KIF15: variants seen among roughly 807,000 people sequenced by gnomAD.
KIF15 encodes the protein kinesin-like protein KIF15.
In KIF15, 140 loss-of-function variants were observed where a neutral mutation model predicts 190.6. The ratio of observed to expected loss-of-function variants is 0.73; its 90% CI spans 0.64 to 0.84. The LOEUF is 0.84. Among genes scored for constraint, KIF15 ranks in the 40% least tolerant of loss-of-function variants. The pLI, the probability that KIF15 is intolerant of heterozygous loss-of-function variation, is 0.00. For missense variants in KIF15, 1,372 were observed against 1,584.4 expected, an observed-to-expected ratio of 0.87 and a Z score of 2.28; for synonymous variants, 528 against 551.3, an observed-to-expected ratio of 0.96 and a Z score of 0.59.
chr3:44,772,199 C>A (rs1374963799), intron 1 of KIF15, among the ~76,000 whole-genome samples: 2 of 152,182 alleles, frequency 1.3e-5, no homozygotes, highest in Non-Finnish European at 2.9e-5. Context: ...CAATTAGCCT[C>A]TCAGTGGGGC....
In KIF15 at chr3:44,864,281, A is replaced by G; in HGVS notation, c.*60-9048A>G. 1 of 1,614,200 alleles carries G rather than the reference A, an allele frequency of 6.2e-7. No individual in the cohort carries two copies. Among genetic ancestry groups the G allele is most frequent in the Non-Finnish European group, 8.5e-7 (1 of 1,180,038 alleles). Reference sequence around the variant, plus strand: ...GTGGACCTTCTTTAGCCGGGGCCTCAGTTTCTCCATGTCTTCAGCCATTGC... The same window carrying G: ...GTGGACCTTCTTTAGCCGGGGCCTCGGTTTCTCCATGTCTTCAGCCATTGC... On this transcript the variant is annotated intron_variant and NMD_transcript_variant, in intron 6 of 6. Coordinates refer to the KIF15 transcript ENST00000422209.
At chr3:44,826,247 C>A in intron 21 of KIF15, 58 bp downstream of exon 21, 1 of 1,558,118 alleles carries the variant, frequency 6.4e-7, no homozygotes, top group Non-Finnish European at 8.7e-7. Flanking sequence ...GAGTGTAGGA[C>A]AAGGACTGTC....
At position 44,827,546 on chromosome 3, in the gene KIF15, C is replaced by CT; in HGVS notation, c.2856+19dup. 6.6e-7 allele frequency: 1 copy of CT among 1,513,752 alleles called. No individual in the cohort carries two copies. The highest frequency in any genetic ancestry group is 2.3e-5 in the East Asian group (1 of 44,256). The allele number at this position is 1,513,752 out of a possible 1,614,324, so 93.8% of individuals were successfully genotyped here. A position where few individuals can be genotyped will look rare whatever the true frequency, so the allele number is the denominator to read the frequency against. On this transcript the variant is annotated intron_variant, in intron 23 of 34. Transcript: ENST00000326047. ...AGCAGCAGGTAAAATTCCTGTTACT[C>CT]TAACTCTAGTATTTGAAGTTTATAA...
chr3:44,801,858 G>A lies in KIF15; in HGVS notation c.1393G>A (p.Asp465Asn). Residue 465 changes from aspartate to asparagine, a missense_variant, in exon 13 of 35, where the codon GAT becomes AAT. Coordinates refer to ENST00000326047, the MANE Select transcript of KIF15 (RefSeq NM_020242.3). The stretch of plus-strand genomic sequence containing the variant: ...TAAAATGATTGTGAAATTCCGAGAG[G>A]ATCAAATAATACGCTTGGAAAAGCT... ...SNKMIVKFRE[D>N]QIIRLEKLHK... 5 of 1,612,452 alleles carry A rather than the reference G, an allele frequency of 3.1e-6. No individual in the cohort carries two copies. The highest frequency in any genetic ancestry group is 4.2e-6 in the Non-Finnish European group (5 of 1,178,650).
intron 8 of KIF15, among the ~76,000 whole-genome samples, chr3:44,795,785 G>C (rs1706946253): frequency 6.6e-6 from 1 of 152,066 alleles, no homozygotes; most frequent in African/African-American, 2.4e-5. Flanking sequence ...AAGGATGAGG[G>C]AAGAGATCTA....
Position 44,805,848 on chromosome 3 carries a change from A to C in KIF15, c.1833A>C (p.Lys611Asn). The C allele has an allele frequency of 6.2e-7, 1 of 1,612,562 alleles. No homozygotes were observed. Among genetic ancestry groups the C allele is most frequent in the South Asian group, 1.1e-5 (1 of 90,672 alleles). Residue 611 changes from lysine (K) to asparagine (N), a missense_variant, in exon 16 of 35, where the codon AAA becomes AAC. Lys to Asn is a moderately conservative substitution (Grantham distance 94). Transcript: ENST00000326047. ...EYEEFKELTR[K>N]RQLELESELQ... ...TCCGTTTTACAATATCTATTAGGAAAAGGCAGCTAGAATTGGAATCAGAGC... is the reference window on the plus strand; with the variant it reads ...TCCGTTTTACAATATCTATTAGGAACAGGCAGCTAGAATTGGAATCAGAGC...
chr3:44,790,182 CA>C (rs1219697160), intron 7 of KIF15, among the ~76,000 whole-genome samples: 4 of 151,812 alleles, frequency 2.6e-5, no homozygotes, highest in Admixed American at 6.6e-5. Context: ...TACTTTATGA[CA>C]TTTTTTTTTT....
At chr3:44,848,082 T>A (rs746226009) in intron 31 of KIF15, 25 bp downstream of exon 31, 1 of 1,388,054 alleles carries the variant, frequency 7.2e-7, no homozygotes, top group South Asian at 1.2e-5. Flanking sequence ...TATGTAATAG[T>A]TTCTTCTTGT....
At chr3:44,829,949 A>G in intron 24 of KIF15, 22 bp from the exon 25 acceptor site, 4 of 1,441,788 alleles carry the variant, frequency 2.8e-6, no homozygotes, top group Non-Finnish European at 3.7e-6. Context: ...GGGTATGAAG[A>G]TATTATTTCT....
Position 44,784,869 on chromosome 3 carries a change from C to G in KIF15, c.386C>G (p.Ser129Cys), listed in dbSNP as rs747522350. ...MMGPSESDNF[S>C]HNLRGVIPRS... ...GGACCATCTGAATCTGATAATTTTTCTCATAACCTGAGAGGAGTAATCCCA... is the reference window on the plus strand; with the variant it reads ...GGACCATCTGAATCTGATAATTTTTGTCATAACCTGAGAGGAGTAATCCCA... Residue 129 changes from serine (S) to cysteine (C), a missense_variant, in exon 6 of 35, where the codon TCT (serine) becomes TGT (cysteine). By Grantham distance (112) the Ser-to-Cys change is moderately radical. Transcript: ENST00000326047. 7.2e-6 allele frequency: 11 copies of G among 1,527,236 alleles called. No homozygotes were observed. The highest frequency in any genetic ancestry group is 1.7e-4 in the Middle Eastern group (1 of 5,762). The allele number at this position is 1,527,236 out of a possible 1,614,324, so 94.6% of individuals were successfully genotyped here. A position where few individuals can be genotyped will look rare whatever the true frequency, so the allele number is the denominator to read the frequency against.
chr3:44,838,479 C>T (rs1215744988), intron 27 of KIF15, 58 bp downstream of exon 27: 4 of 1,546,108 alleles, frequency 2.6e-6, no homozygotes, highest in Non-Finnish European at 2.6e-6. Flanking sequence ...TGTAGTGGCT[C>T]ACTCCTGTAA....
At chr3:44,787,720 C>G (rs1311559093) in intron 7 of KIF15, among the ~76,000 whole-genome samples, 4 of 152,122 alleles carry the variant, frequency 2.6e-5, no homozygotes, top group Admixed American at 2.6e-4. Context: ...CTTTTTAGAT[C>G]TTTAATGTCT....
At position 44,828,239 on chromosome 3, in the gene KIF15, A is replaced by G. The variant is rs199969344; in HGVS notation, c.2882A>G (p.Glu961Gly). The G allele has an allele frequency of 6.3e-4, 1,023 of 1,613,490 alleles. No individual in the cohort carries two copies. Among genetic ancestry groups the G allele is most frequent in the Non-Finnish European group, 7.7e-4 (907 of 1,179,540 alleles). ...ATGGCAAAAGTACAGAAACTAGAAG[A>G]GAGCTTGCTTGCTACTGAAAAAGTG... ...QQMAKVQKLE[E>G]SLLATEKVIS... The change falls in exon 24 of 35, where the codon GAG becomes GGG. Residue 961 changes from glutamate to glycine, a missense_variant. Coordinates refer to ENST00000326047, the MANE Select transcript of KIF15 (RefSeq NM_020242.3).
chr3:44,847,969 CT>C lies in KIF15; in HGVS notation c.3696-15del, dbSNP rs760664673. 2 of 1,581,356 alleles carry C rather than the reference CT, an allele frequency of 1.3e-6. No homozygotes were observed. The highest frequency in any genetic ancestry group is 1.2e-5 in the South Asian group (1 of 86,476). On this transcript the variant is annotated splice_polypyrimidine_tract_variant and intron_variant, in intron 30 of 34. Coordinates refer to ENST00000326047, the MANE Select transcript of KIF15 (RefSeq NM_020242.3). ...TGTTTTCCTATGCCTCCTCCCACCCCTGTTAATCTATGCAGTGATCAGAATC... is the reference window on the plus strand; with the variant it reads ...TGTTTTCCTATGCCTCCTCCCACCCCGTTAATCTATGCAGTGATCAGAATC...
At chr3:44,862,078 C>T in intron 6 of KIF15, 2 of 1,141,284 alleles carry the variant, frequency 1.8e-6, no homozygotes, top group Middle Eastern at 3.0e-4. Flanking sequence ...GTTCGGGGCC[C>T]TGGCCGCCGC....
intron 20 of KIF15, among the ~76,000 whole-genome samples, chr3:44,823,436 G>T (rs1697466829): frequency 1.3e-5 from 2 of 152,204 alleles, no homozygotes; most frequent in Admixed American, 1.3e-4. Context: ...CCCCTACTGG[G>T]AGGTTTATCC....
chr3:44,861,843 C>T, intron 6 of KIF15: 1 of 1,392,584 alleles, frequency 7.2e-7, no homozygotes, highest in Non-Finnish European at 9.7e-7. Flanking sequence ...AGGAGCGTCG[C>T]GTCACGTGAG....
chr3:44,816,440 T>C (rs1381025784), intron 20 of KIF15, among the ~76,000 whole-genome samples: 1 of 150,256 alleles, frequency 6.7e-6, no homozygotes, highest in East Asian at 2.0e-4. Context: ...CCGCCCTGTG[T>C]CCACGTGTTC....
chr3:44,849,021 T>C (rs1698967946), intron 32 of KIF15, among the ~76,000 whole-genome samples: 1 of 152,220 alleles, frequency 6.6e-6, no homozygotes, highest in Non-Finnish European at 1.5e-5. Context: ...GCCTTATAAA[T>C]GGCCTCACTC....
Sources: gnomAD v4.1 joint callset for allele counts (sites outside exome capture counted in the v4.1 genomes callset) on GRCh38, gnomAD v4.1.1 for gene constraint, MANE v1.5 for transcripts, NCBI Gene and HGNC (gene_info 2026-07-23, HGNC 2026-07-21) for gene names.